CSGALNACT1: variants seen among roughly 807,000 people sequenced by gnomAD.
CSGALNACT1 encodes beta4GalNAcT-1.
CSGALNACT1 carries 52 observed loss-of-function variants against 51.0 expected under a neutral mutation model. The observed-to-expected ratio is 1.02, with a 90% confidence interval of 0.82 to 1.29. The LOEUF is 1.29. CSGALNACT1 is among the 50% of genes most tolerant of loss of function. The pLI, the probability that CSGALNACT1 is intolerant of heterozygous loss-of-function variation, is 0.00. For synonymous variants in CSGALNACT1, 341 were observed against 254.4 expected, an observed-to-expected ratio of 1.34 and a Z score of -3.24; for missense variants, 935 against 679.2, an observed-to-expected ratio of 1.38 and a Z score of -4.19.
intron 1 of CSGALNACT1, among the ~76,000 whole-genome samples, chr8:19,654,362 A>C (rs891831046): frequency 2.6e-5 from 4 of 152,158 alleles, no homozygotes; most frequent in Admixed American, 2.0e-4. Flanking sequence ...ATCTGCCCAA[A>C]TCCTACCATT....
intron 6 of CSGALNACT1, among the ~76,000 whole-genome samples, chr8:19,422,156 A>G (rs1029893091): frequency 1.3e-5 from 2 of 152,046 alleles, no homozygotes; most frequent in African/African-American, 4.8e-5. Flanking sequence ...AAAAAAACTT[A>G]CTTTACATAT....
chr8:19,505,923 G>A, exon 4 of CSGALNACT1: 3 of 1,549,008 alleles, frequency 1.9e-6, no homozygotes, highest in South Asian at 2.2e-5. Flanking sequence ...ACCACAGGAA[G>A]CATGCGTTTG....
intron 2 of CSGALNACT1, among the ~76,000 whole-genome samples, chr8:19,595,798 T>C (rs1189042544): frequency 6.6e-6 from 1 of 152,070 alleles, no homozygotes; most frequent in Non-Finnish European, 1.5e-5. Flanking sequence ...CCCTCTCTTA[T>C]TCCAGACTTC....
At chr8:19,447,355 A>T (rs2062315623) in intron 5 of CSGALNACT1, among the ~76,000 whole-genome samples, 1 of 152,190 alleles carries the variant, frequency 6.6e-6, no homozygotes, top group Non-Finnish European at 1.5e-5. Flanking sequence ...AAACGTAAAT[A>T]GGCTGTGGGG....
intron 8 of CSGALNACT1, among the ~76,000 whole-genome samples, chr8:19,418,380 C>A (rs1468867570): frequency 6.6e-6 from 1 of 152,176 alleles, no homozygotes; most frequent in Admixed American, 6.5e-5. Flanking sequence ...CATAATGCAA[C>A]AATACCAGTT....
chr8:19,659,683 C>T (rs1329404351), intron 1 of CSGALNACT1, among the ~76,000 whole-genome samples: 1 of 152,316 alleles, frequency 6.6e-6, no homozygotes, highest in South Asian at 2.1e-4. Context: ...GAATACACAT[C>T]CCATGAATCT....
intron 3 of CSGALNACT1, among the ~76,000 whole-genome samples, chr8:19,537,737 T>C (rs1180372857): frequency 1.3e-5 from 2 of 152,124 alleles, no homozygotes; most frequent in East Asian, 3.9e-4. Flanking sequence ...TCACACCTCA[T>C]ACAAAAATTA....
intron 6 of CSGALNACT1, among the ~76,000 whole-genome samples, chr8:19,420,875 A>G (rs1272833717): frequency 1.3e-5 from 2 of 152,196 alleles, no homozygotes; most frequent in Admixed American, 6.5e-5. Flanking sequence ...TCCTGAGCCA[A>G]CCGAATGAGG....
intron 1 of CSGALNACT1, among the ~76,000 whole-genome samples, chr8:19,679,770 T>TCTGA (rs1169442609): frequency 6.6e-6 from 1 of 152,190 alleles, no homozygotes; most frequent in Non-Finnish European, 1.5e-5. Flanking sequence ...ACTCTTAGGT[T>TCTGA]CTGACATACA....
At chr8:19,557,475 C>T (rs1015764728) in intron 3 of CSGALNACT1, among the ~76,000 whole-genome samples, 7 of 152,186 alleles carry the variant, frequency 4.6e-5, no homozygotes, top group Non-Finnish European at 8.8e-5. Context: ...AGACCCTGCA[C>T]CCAGCCTCAT....
chr8:19,406,013 T>C lies in CSGALNACT1; in HGVS notation c.1366A>G (p.Lys456Glu), dbSNP rs369585957. 5.0e-5 allele frequency: 81 copies of C among 1,614,080 alleles called. No individual in the cohort carries two copies. The highest frequency in any genetic ancestry group is 6.6e-5 in the Non-Finnish European group (78 of 1,180,050). The change falls in exon 10 of 10, where the codon AAG becomes GAG. Residue 456 changes from lysine to glutamate, a missense_variant. By Grantham distance (56) the Lys-to-Glu change is moderately conservative. Coordinates refer to ENST00000454498, the Ensembl canonical transcript of CSGALNACT1. ...ACTATGAGGTTGCTGTGGAGATACT[T>C]GCGATAAAGGTGCACATCCTCTCCG...
intron 1 of CSGALNACT1, among the ~76,000 whole-genome samples, chr8:19,657,140 T>C (rs1429327071): frequency 6.6e-6 from 1 of 151,442 alleles, no homozygotes; most frequent in Non-Finnish European, 1.5e-5. Flanking sequence ...ATTTTTTTAT[T>C]ACTAAACTAG....
At chr8:19,634,081 A>G (rs1207772596) in intron 1 of CSGALNACT1, among the ~76,000 whole-genome samples, 7 of 152,344 alleles carry the variant, frequency 4.6e-5, no homozygotes, top group Middle Eastern at 3.4e-3. Context: ...AATTTTTCAT[A>G]AACACAAAAT....
chr8:19,504,803 C>A (rs545649878), intron 4 of CSGALNACT1, among the ~76,000 whole-genome samples: 1 of 152,174 alleles, frequency 6.6e-6, no homozygotes, highest in Non-Finnish European at 1.5e-5. Context: ...ATAAGTGTGG[C>A]TGGCACATGT....
intron 3 of CSGALNACT1, among the ~76,000 whole-genome samples, chr8:19,559,268 C>G (rs2040167823): frequency 6.6e-6 from 1 of 152,066 alleles, no homozygotes; most frequent in East Asian, 1.9e-4. Flanking sequence ...GAAAATATAG[C>G]TGATAAAATT....
At chr8:19,731,503 C>G (rs1350065670) in intron 1 of CSGALNACT1, among the ~76,000 whole-genome samples, 1 of 152,138 alleles carries the variant, frequency 6.6e-6, no homozygotes, top group Non-Finnish European at 1.5e-5. Context: ...GAGACTCCAT[C>G]TCAAATAAAT....
In CSGALNACT1 at chr8:19,642,608, A is replaced by AAAAAC. The variant is rs558512830; in HGVS notation, c.-544+39860_-544+39864dup. 3.0e-3 allele frequency among the ~76,000 whole-genome samples: 463 copies of AAAAAC among 152,130 alleles called. 1 individual carries two copies. Among genetic ancestry groups the AAAAAC allele is most frequent in the African/African-American group, 4.5e-3 (186 of 41,514 alleles). On this transcript the variant is annotated intron_variant, in intron 1 of 9. Coordinates refer to the CSGALNACT1 transcript ENST00000332246. ...CAAAAAGGTGAAATGCCTTCTCTAC[A>AAAAAC]AAAACAAAACAAAACAAAACAAAAC... is the stretch of plus-strand genomic sequence containing the variant.
intron 3 of CSGALNACT1, among the ~76,000 whole-genome samples, chr8:19,511,857 C>A (rs1339659532): frequency 1.3e-5 from 2 of 152,152 alleles, no homozygotes; most frequent in Non-Finnish European, 2.9e-5. Context: ...GGAAGGGAAA[C>A]CAAGCATATC....
At chr8:19,427,833 T>G (rs953543792) in intron 6 of CSGALNACT1, among the ~76,000 whole-genome samples, 4 of 151,618 alleles carry the variant, frequency 2.6e-5, no homozygotes, top group African/African-American at 7.3e-5. Context: ...CTTAACACCA[T>G]GCCAAGCCCT....
Sources: gnomAD v4.1 joint callset for allele counts (sites outside exome capture counted in the v4.1 genomes callset) on GRCh38, gnomAD v4.1.1 for gene constraint, MANE v1.5 for transcripts, NCBI Gene and HGNC (gene_info 2026-07-23, HGNC 2026-07-21) for gene names.